The following SYNJ2 variants were observed in gnomAD, a reference collection of about 807,000 sequenced individuals.
SYNJ2 encodes the protein polyphosphatidylinositol phosphatase SYNJ2.
Under a neutral mutation model 141.3 loss-of-function variants are expected in SYNJ2, and 116 were observed. The ratio of observed to expected loss-of-function variants is 0.82; its 90% confidence interval spans 0.71 to 0.96. The LOEUF (loss-of-function observed/expected upper bound fraction) is 0.96, where lower values mean the gene tolerates loss of function less well. Among genes scored for constraint, SYNJ2 ranks in the 40% least tolerant of loss-of-function variants. The probability of loss-of-function intolerance (pLI) is 0.00; values close to 1 mark genes in which losing one functional copy is unlikely to be tolerated. For synonymous variants in SYNJ2, 745 were observed against 777.7 expected (o/e 0.96, Z 0.70); for missense variants, 1,873 against 1,934.8 (o/e 0.97, Z 0.60).
Position 157,982,882 on chromosome 6 carries a change from C to T in SYNJ2, c.127+794C>T, listed in dbSNP as rs545345795. 2.0e-5 allele frequency among the ~76,000 whole-genome samples: 3 copies of T among 152,330 alleles called. No individual in the cohort carries two copies. The highest frequency in any genetic ancestry group is 2.9e-5 in the Non-Finnish European group (2 of 68,038). ...GCTGTTTCTGTAATGTCATTCAATGCGTGGCTTCCTGGTATCGCTAACCTG... is the reference window on the plus strand; with the variant it reads ...GCTGTTTCTGTAATGTCATTCAATGTGTGGCTTCCTGGTATCGCTAACCTG... On this transcript the variant is annotated intron_variant, in intron 1 of 26. Coordinates refer to ENST00000355585, the MANE Select transcript of SYNJ2 (RefSeq NM_003898.4). The surrounding 1 kb of genome is among the most constrained non-coding windows in gnomAD (Gnocchi z 4.0).
intron 24 of SYNJ2, 79 bp downstream of exon 24, chr6:158,088,851 A>G: frequency 4.8e-6 from 5 of 1,032,432 alleles, no homozygotes; most frequent in Non-Finnish European, 1.5e-6. Flanking sequence ...CAGTGAATAT[A>G]TAGATTTATG....
chr6:158,089,441 C>G (rs1377611113), intron 24 of SYNJ2, among the ~76,000 whole-genome samples: 2 of 152,018 alleles, frequency 1.3e-5, no homozygotes, highest in Non-Finnish European at 2.9e-5. Context: ...GAAAATAGGT[C>G]ATAAAGGCAA....
Position 158,082,145 on chromosome 6 carries a change from G to A in SYNJ2, c.2865+635G>A, listed in dbSNP as rs139934360. ...GTAGATCACCCAAGGTCAGGAGATC[G>A]AGACCAGCCTGGCCAACATGGCGAA... On this transcript the variant is annotated intron_variant, in intron 20 of 26. Coordinates refer to ENST00000355585, the MANE Select transcript of SYNJ2 (RefSeq NM_003898.4). Among the ~76,000 whole-genome samples the A allele has an allele frequency of 8.0e-3, 1,212 of 152,224 alleles. 15 individuals are homozygous for A. The highest frequency in any genetic ancestry group is 0.027 in the African/African-American group (1,107 of 41,528).
rs969931475 is a variant in SYNJ2, at chr6:158,071,694, G to A, written c.2033G>A (p.Ser678Asn). 6.2e-6 allele frequency: 10 copies of A among 1,614,116 alleles called. No homozygotes were observed. Among genetic ancestry groups the A allele is most frequent in the Non-Finnish European group, 8.5e-6 (10 of 1,180,030 alleles). The change falls in exon 15 of 27, where the codon AGC becomes AAC. Residue 678 changes from serine to asparagine, a missense_variant. By Grantham distance (46) the Ser-to-Asn change is conservative. Transcript: ENST00000355585. This position sits in a 1 kb window ranked among gnomAD's most constrained non-coding sequence, Gnocchi z 4.3. ...VGIRFQFHST[S>N]FCFICSHLTA... ...ATCCGCTTCCAGTTCCACAGCACCA[G>A]CTTCTGCTTCATATGTAGTCACCTG... is the stretch of plus-strand genomic sequence containing the variant.
At chr6:158,074,871 T>C (rs1019302169) in intron 16 of SYNJ2, 133 bp downstream of exon 16, 76 of 1,127,324 alleles carry the variant, frequency 6.7e-5, no homozygotes, top group Non-Finnish European at 8.9e-5. Context: ...AGAAAATAGG[T>C]GGGCTTGTGA....
At position 158,096,448 on chromosome 6, in the gene SYNJ2, T is replaced by C. The variant is rs1783807156; in HGVS notation, c.*84T>C. 1 of 1,466,238 alleles carries C rather than the reference T, an allele frequency of 6.8e-7. No individual in the cohort carries two copies. Among genetic ancestry groups the C allele is most frequent in the Non-Finnish European group, 9.0e-7 (1 of 1,105,452 alleles). 90.8% of individuals were successfully genotyped at this position (1,466,238 alleles called of 1,614,324 possible). A position where few individuals can be genotyped will look rare whatever the true frequency, so the allele number is the denominator to read the frequency against. On this transcript the variant is annotated 3_prime_UTR_variant, in exon 27 of 27. Transcript: ENST00000355585. ...CCCTCCACCAGAAGAGACATCTATT[T>C]AAAGGCACACTGGCCAAAACGTTTG... is the stretch of plus-strand genomic sequence containing the variant.
intron 25 of SYNJ2, among the ~76,000 whole-genome samples, chr6:158,090,447 T>C (rs1343974315): frequency 6.6e-6 from 1 of 152,090 alleles, no homozygotes; most frequent in Non-Finnish European, 1.5e-5. Context: ...ACTTCATTCA[T>C]AATCACTGGT....
rs2128342805 is a variant in SYNJ2, at chr6:158,040,747, C to T, written c.712-2569C>T. Among the ~76,000 whole-genome samples, 1 of 152,282 alleles carries T rather than the reference C, an allele frequency of 6.6e-6. No homozygotes were observed. The highest frequency in any genetic ancestry group is 1.5e-5 in the Non-Finnish European group (1 of 68,026). ...GTGAGTTTTCCTGCCTCGTCGCTCT[C>T]TTTTTATGGCCATTAGGTTTCTGTT... On this transcript the variant is annotated intron_variant, in intron 4 of 26. Transcript: ENST00000355585. This position sits in a 1 kb window ranked among gnomAD's most constrained non-coding sequence, Gnocchi z 4.2.
intron 8 of SYNJ2, 60 bp from the exon 9 acceptor site, chr6:158,063,731 C>T: frequency 9.7e-6 from 12 of 1,242,498 alleles, no homozygotes; most frequent in Non-Finnish European, 1.4e-5. Flanking sequence ...GGCCTCTGTG[C>T]TATGGCCACT....
chr6:158,019,240 G>A (rs1404475883), intron 2 of SYNJ2, among the ~76,000 whole-genome samples: 2 of 152,200 alleles, frequency 1.3e-5, no homozygotes, highest in Non-Finnish European at 2.9e-5. Flanking sequence ...TACAGTAACC[G>A]GCTCAAGGTC....
chr6:158,037,622 C>T (rs987458601), intron 4 of SYNJ2, among the ~76,000 whole-genome samples: 3 of 151,954 alleles, frequency 2.0e-5, no homozygotes, highest in African/African-American at 7.3e-5. Flanking sequence ...AGGATGGTCT[C>T]GATCTCCTGA....
At chr6:158,009,212 G>A (rs547975774) in intron 1 of SYNJ2, among the ~76,000 whole-genome samples, 6 of 152,130 alleles carry the variant, frequency 3.9e-5, no homozygotes, top group Middle Eastern at 3.4e-3. Flanking sequence ...TTTCTGCTCC[G>A]CGCCTGTCAC....
chr6:158,047,976 G>A (rs1780350600), intron 5 of SYNJ2, among the ~76,000 whole-genome samples: 1 of 152,066 alleles, frequency 6.6e-6, no homozygotes, highest in African/African-American at 2.4e-5. Context: ...TGGGAACAGG[G>A]ACACCGTGAG....
At chr6:158,050,063 G>A (rs1175373875) in intron 5 of SYNJ2, among the ~76,000 whole-genome samples, 2 of 152,210 alleles carry the variant, frequency 1.3e-5, no homozygotes, top group Admixed American at 1.3e-4. Context: ...CAGCTCTACA[G>A]GTGTGGATGC....
chr6:158,078,142 C>T (rs755710064), intron 17 of SYNJ2, 22 bp from the exon 18 acceptor site: 9 of 1,507,980 alleles, frequency 6.0e-6, no homozygotes, highest in South Asian at 4.5e-5. Context: ...ATGGGTCTCT[C>T]GAATGGAACC....
intron 3 of SYNJ2, chr6:158,029,394 C>CA (rs59043421): frequency 0.055 from 5,048 of 92,544 alleles, 245 homozygotes; most frequent in African/African-American, 0.14. Flanking sequence ...ACTAAAAATA[C>CA]AAAAAAAAAA....
chr6:158,073,984 A>G (rs73795232), intron 15 of SYNJ2, among the ~76,000 whole-genome samples: 3,128 of 151,390 alleles, frequency 0.021, 111 homozygotes, highest in African/African-American at 0.071. Context: ...CGGACAGTTG[A>G]TCCACAGCAG....
At chr6:157,989,427 A>AATAT (rs34948131) in intron 1 of SYNJ2, among the ~76,000 whole-genome samples, 4,640 of 95,654 alleles carry the variant, frequency 0.049, 138 homozygotes, top group South Asian at 0.067. Context: ...TAAAAAAATG[A>AATAT]ATATATATAT....
upstream of SYNJ2, among the ~76,000 whole-genome samples, chr6:157,981,649 G>A (rs888669312): frequency 6.6e-6 from 1 of 151,990 alleles, no homozygotes; most frequent in African/African-American, 2.4e-5. This position sits in a 1 kb window ranked among gnomAD's most constrained non-coding sequence, Gnocchi z 6.4. Context: ...CGTGGCATCC[G>A]GGAGGCTCTT....
Sources: gnomAD v4.1 joint callset for allele counts (sites outside exome capture counted in the v4.1 genomes callset) on GRCh38, gnomAD v4.1.1 for gene constraint, Gnocchi (gnomAD v3.1) non-coding constraint, MANE v1.5 for transcripts, NCBI Gene and HGNC (gene_info 2026-07-23, HGNC 2026-07-21) for gene names.